NOX4: variants seen among roughly 807,000 people sequenced by gnomAD.
The protein encoded by NOX4 is NADPH oxidase 4.
NOX4 carries 69 observed loss-of-function variants against 87.6 expected under a neutral mutation model. The observed-to-expected ratio is 0.79, with a 90% CI of 0.65 to 0.96. The LOEUF is 0.96. Among genes scored for constraint, NOX4 ranks in the 40% least tolerant of loss-of-function variants. NOX4 has a pLI of 0.00. For missense variants in NOX4, 680 were observed against 681.5 expected (o/e 1.00, Z 0.02); for synonymous variants, 275 against 238.2 (o/e 1.15, Z -1.42).
chr11:89,435,636 A>G (rs1944046925), intron 6 of NOX4, among the ~76,000 whole-genome samples: 1 of 152,112 alleles, frequency 6.6e-6, no homozygotes, highest in South Asian at 2.1e-4. Flanking sequence ...AGGTCAGAAC[A>G]TGAAAACATA....
chr11:89,365,765 A>C (rs1420150697), intron 12 of NOX4, among the ~76,000 whole-genome samples: 2 of 151,246 alleles, frequency 1.3e-5, no homozygotes, highest in Admixed American at 6.6e-5. Flanking sequence ...AAAAAAAAAA[A>C]AAAAAAAAAA....
chr11:89,421,436 TC>T (rs1943079705), intron 8 of NOX4, among the ~76,000 whole-genome samples: 1 of 152,098 alleles, frequency 6.6e-6, no homozygotes, highest in Non-Finnish European at 1.5e-5. Context: ...TTTTGACAGA[TC>T]CTTTTCTTTG....
the NOX4 span, among the ~76,000 whole-genome samples, chr11:89,504,550 A>T: frequency 6.6e-6 from 1 of 151,958 alleles, no homozygotes; most frequent in Non-Finnish European, 1.5e-5. Flanking sequence ...TTATAGTTAC[A>T]ATGGAAAGAA....
At chr11:89,329,303 T>TGAA (rs1253923187) in intron 17 of NOX4, among the ~76,000 whole-genome samples, 1 of 73,226 alleles carries the variant, frequency 1.4e-5, no homozygotes, top group Non-Finnish European at 3.0e-5. Context: ...AAAGTAAACT[T>TGAA]GAAGAAAAAG....
intron 2 of NOX4, among the ~76,000 whole-genome samples, chr11:89,470,843 A>G (rs531437871): frequency 6.6e-6 from 1 of 152,254 alleles, no homozygotes; most frequent in African/African-American, 2.4e-5. Context: ...TCCCAGATGC[A>G]TTATGAAGAT....
intron 11 of NOX4, among the ~76,000 whole-genome samples, chr11:89,387,975 G>C (rs1342609311): frequency 6.6e-6 from 1 of 152,128 alleles, no homozygotes; most frequent in Non-Finnish European, 1.5e-5. Flanking sequence ...CAGGAGAAGA[G>C]TCAACAAATG....
chr11:89,442,305 G>T (rs1375512389), intron 5 of NOX4, among the ~76,000 whole-genome samples: 1 of 151,740 alleles, frequency 6.6e-6, no homozygotes, highest in Non-Finnish European at 1.5e-5. Flanking sequence ...AGTTAGAAGT[G>T]TGAAAACAGG....
At chr11:89,344,154 G>A (rs1180920079) in intron 13 of NOX4, among the ~76,000 whole-genome samples, 2 of 150,528 alleles carry the variant, frequency 1.3e-5, no homozygotes, top group South Asian at 2.1e-4. Context: ...TAAAAGTAAA[G>A]GTTTGTAATT....
intron 15 of NOX4, among the ~76,000 whole-genome samples, chr11:89,338,163 A>T (rs1362096302): frequency 6.6e-6 from 1 of 152,114 alleles, no homozygotes; most frequent in Non-Finnish European, 1.5e-5. Context: ...ATTTTTAGCA[A>T]GGATGCATAT....
intron 11 of NOX4, among the ~76,000 whole-genome samples, chr11:89,388,443 C>T (rs1410642682): frequency 6.6e-6 from 1 of 152,076 alleles, no homozygotes; most frequent in East Asian, 1.9e-4. Context: ...AAGATTTGGC[C>T]CCCTGACTTC....
chr11:89,355,216 GTA>G (rs1937933061), intron 12 of NOX4, among the ~76,000 whole-genome samples, 173 bp from the exon 13 acceptor site: 1 of 150,526 alleles, frequency 6.6e-6, no homozygotes, highest in Admixed American at 6.7e-5. Flanking sequence ...CATAGTGTAT[GTA>G]TGTGTGTGTG....
At chr11:89,572,718 C>T in the NOX4 span, among the ~76,000 whole-genome samples, 1 of 151,990 alleles carries the variant, frequency 6.6e-6, no homozygotes, top group East Asian at 1.9e-4. Context: ...CGTCTTTTTC[C>T]CCATCTTCTT....
intron 11 of NOX4, among the ~76,000 whole-genome samples, chr11:89,395,073 G>A (rs1463329191): frequency 3.9e-5 from 6 of 152,102 alleles, no homozygotes; most frequent in African/African-American, 1.2e-4. Context: ...CTGAGGAATC[G>A]CCACACTGTC....
chr11:89,418,820 AT>A (rs1009108267), intron 8 of NOX4, among the ~76,000 whole-genome samples: 1 of 152,016 alleles, frequency 6.6e-6, no homozygotes, highest in African/African-American at 2.4e-5. Context: ...CTTGATCAAG[AT>A]ATCTTTTCAG....
chr11:89,518,560 G>A, the NOX4 span, among the ~76,000 whole-genome samples: 1 of 152,044 alleles, frequency 6.6e-6, no homozygotes, highest in Non-Finnish European at 1.5e-5. Flanking sequence ...CATGTCAGGA[G>A]CATTTGGTCT....
intron 11 of NOX4, among the ~76,000 whole-genome samples, chr11:89,381,123 T>C (rs1940254226): frequency 6.6e-6 from 1 of 152,058 alleles, no homozygotes; most frequent in Admixed American, 6.6e-5. Flanking sequence ...GTTAAAAGAT[T>C]AAAAACACAA....
At chr11:89,353,862 G>C (rs570642357) in intron 13 of NOX4, among the ~76,000 whole-genome samples, 38 of 152,268 alleles carry the variant, frequency 2.5e-4, no homozygotes, top group African/African-American at 8.9e-4. Context: ...CAACATGTAC[G>C]TATAGAGCAA....
intron 2 of NOX4, among the ~76,000 whole-genome samples, chr11:89,484,700 G>C (rs1202576364): frequency 6.6e-6 from 1 of 151,988 alleles, no homozygotes; most frequent in African/African-American, 2.4e-5. Context: ...AAAACTCTAT[G>C]AATCAGTGTC....
At chr11:89,429,104 T>A (rs1943624213) in intron 7 of NOX4, among the ~76,000 whole-genome samples, 1 of 152,194 alleles carries the variant, frequency 6.6e-6, no homozygotes, top group Admixed American at 6.5e-5. Context: ...TGCTCCTGAA[T>A]GACTACTGGG....
Sources: gnomAD v4.1 joint callset for allele counts (sites outside exome capture counted in the v4.1 genomes callset) on GRCh38, gnomAD v4.1.1 for gene constraint, MANE v1.5 for transcripts, NCBI Gene and HGNC (gene_info 2026-07-23, HGNC 2026-07-21) for gene names.